The following ZNF284 variants were observed in gnomAD, a reference collection of about 807,000 sequenced individuals.
The protein encoded by ZNF284 is zinc finger protein 284.
A neutral mutation model predicts 12.9 loss-of-function variants in ZNF284; 12 were observed. That is an observed-to-expected ratio of 0.93 (90% confidence interval 0.60 to 1.51). ZNF284 has a LOEUF of 1.51. Ranked by LOEUF, ZNF284 falls within the 40% of genes most tolerant of loss-of-function variation. ZNF284 has a pLI of 0.00. For missense variants in ZNF284, 667 were observed against 707.3 expected (o/e 0.94, Z 0.65); for synonymous variants, 225 against 236.5 (o/e 0.95, Z 0.45).
chr19:44,083,620 T>C (rs1967173590), intron 4 of ZNF284, among the ~76,000 whole-genome samples: 2 of 151,550 alleles, frequency 1.3e-5, no homozygotes, highest in South Asian at 4.2e-4. Flanking sequence ...AGGAGGACTT[T>C]TAGCTGTTCA....
rs1265671298 is a variant in ZNF284 at position 44,086,816 on chromosome 19, G to C, written c.1338G>C (p.Gln446His). 3 of 1,614,164 alleles carry C rather than the reference G, an allele frequency of 1.9e-6. No homozygotes were observed. The highest frequency in any genetic ancestry group is 2.5e-6 in the Non-Finnish European group (3 of 1,180,036). The part of the protein sequence containing the change: ...YISKFNLDLH[Q>H]RVHTGERPYN... ...GTAAGTTTAATCTTGACTTGCACCA[G>C]AGGGTCCACACGGGAGAGAGACCTT... Residue 446 changes from glutamine (Q) to histidine (H), a missense_variant, in exon 5 of 5, where the codon CAG becomes CAC. Transcript: ENST00000421176.
intron 1 of ZNF284, among the ~76,000 whole-genome samples, chr19:44,075,124 CGTT>C (rs1458599297): frequency 1.3e-5 from 2 of 152,060 alleles, no homozygotes; most frequent in Non-Finnish European, 2.9e-5. Flanking sequence ...TATTACATAA[CGTT>C]GTTATCTAAT....
rs745868774 is a variant in ZNF284 at position 44,086,604 on chromosome 19, T to A, written c.1126T>A (p.Cys376Ser). 6.2e-7 allele frequency: 1 copy of A among 1,614,074 alleles called. No homozygotes were observed. The highest frequency in any genetic ancestry group is 8.5e-7 in the Non-Finnish European group (1 of 1,180,032). Reference sequence around the variant, plus strand: ...AGACAAACCATATAATTGTAATGTATGTGGGAAGGGCTTCAGGTGGTCCTC... The same window carrying A: ...AGACAAACCATATAATTGTAATGTAAGTGGGAAGGGCTTCAGGTGGTCCTC... ...TGDKPYNCNV[C>S]GKGFRWSSCL... is the part of the protein sequence containing the mutation. Residue 376 changes from cysteine (C) to serine (S), a missense_variant, in exon 5 of 5, where the codon TGT (cysteine) becomes AGT (serine). Cys to Ser is a moderately radical substitution (Grantham distance 112, BLOSUM62 -1). Transcript: ENST00000421176.
chr19:44,074,655 A>G (rs1184079371), intron 1 of ZNF284, among the ~76,000 whole-genome samples: 2 of 152,060 alleles, frequency 1.3e-5, no homozygotes, highest in Non-Finnish European at 2.9e-5. Flanking sequence ...AGGGTTTCAC[A>G]TAACATGCTA....
chr19:44,076,417 G>C lies in ZNF284; in HGVS notation c.15+13G>C. The C allele has an allele frequency of 6.2e-7, 1 of 1,606,484 alleles. No homozygotes were observed. On this transcript the variant is annotated intron_variant, in intron 2 of 4. Coordinates refer to ENST00000421176, the MANE Select transcript of ZNF284 (RefSeq NM_001037813.4). ...GACCATGTTCAAGGTGAGTAAGTCT[G>C]GTCTCTTTTGCTGTTCAGATTCTGT...
intron 4 of ZNF284, 66 bp downstream of exon 4, chr19:44,082,171 C>A: frequency 7.5e-7 from 1 of 1,333,318 alleles, no homozygotes; most frequent in Non-Finnish European, 1.1e-6. Context: ...CTGTCCATTG[C>A]CCAACTCCAT....
At position 44,088,873 on chromosome 19, in the gene ZNF284, T is replaced by G. The variant is rs550105009; in HGVS notation, c.*1613T>G. 2 of 149,980 alleles carry G rather than the reference T, an allele frequency of 1.3e-5. No homozygotes were observed. Among genetic ancestry groups the G allele is most frequent in the South Asian group, 4.2e-4 (2 of 4,706 alleles). 9.3% of individuals were successfully genotyped at this position (149,980 alleles called of 1,614,324 possible). ...TCTTGCTCTGTCACCCAGACTGGCA[T>G]GCAGTGGAATGATCACGGCTCCCTG... On this transcript the variant is annotated 3_prime_UTR_variant, in exon 5 of 5. Transcript: ENST00000421176.
Position 44,086,903 on chromosome 19 carries a change from A to C in ZNF284, c.1425A>C (p.Arg475Ser). The change falls in exon 5 of 5, where the codon AGA becomes AGC. Residue 475 changes from arginine (R) to serine (S), a missense_variant. Transcript: ENST00000421176. ...CCTCAGGTATTTTGAGACATAAGAGACTCCATACTGGAGAAAAACCATTCA... is the reference window on the plus strand; with the variant it reads ...CCTCAGGTATTTTGAGACATAAGAGCCTCCATACTGGAGAAAAACCATTCA... Reference protein sequence around the residue: ...RWASGILRHKRLHTGEKPFKC... With the variant: ...RWASGILRHKSLHTGEKPFKC... The C allele has an allele frequency of 6.2e-7, 1 of 1,613,896 alleles. No individual in the cohort carries two copies. Among genetic ancestry groups the C allele is most frequent in the Non-Finnish European group, 8.5e-7 (1 of 1,179,944 alleles).
intron 2 of ZNF284, among the ~76,000 whole-genome samples, chr19:44,080,763 A>G (rs1373185320): frequency 6.6e-6 from 1 of 152,240 alleles, no homozygotes; most frequent in Admixed American, 6.5e-5. Context: ...CTAGAGGGTT[A>G]CTTACAAGGA....
Position 44,080,558 on chromosome 19 carries a change from C to T in ZNF284, c.16-457C>T, listed in dbSNP as rs546987412. 1.1e-4 allele frequency among the ~76,000 whole-genome samples: 16 copies of T among 152,102 alleles called. 1 individual carries two copies. Among genetic ancestry groups the T allele is most frequent in the Admixed American group, 8.5e-4 (13 of 15,274 alleles). On this transcript the variant is annotated intron_variant, in intron 2 of 4. Transcript: ENST00000421176. The stretch of plus-strand genomic sequence containing the variant: ...CTGAAATCGCACCACTGCACTCCAG[C>T]CTGGGCGACAGAGTGAGACTCTGTC...
At chr19:44,078,477 C>A (rs898633061) in intron 2 of ZNF284, among the ~76,000 whole-genome samples, 5 of 152,178 alleles carry the variant, frequency 3.3e-5, no homozygotes, top group East Asian at 3.9e-4. Context: ...TATTCTTATT[C>A]TTTAGAGACA....
intron 4 of ZNF284, among the ~76,000 whole-genome samples, chr19:44,083,229 G>A (rs1280755525): frequency 6.6e-6 from 1 of 151,852 alleles, no homozygotes; most frequent in Non-Finnish European, 1.5e-5. Flanking sequence ...GAGGCCAGGA[G>A]TTTGAGACCA....
At chr19:44,081,865 G>C in intron 3 of ZNF284, 148 bp from the exon 4 acceptor site, 2 of 579,436 alleles carry the variant, frequency 3.5e-6, no homozygotes, top group Non-Finnish European at 6.1e-6. Flanking sequence ...ATGACATGTG[G>C]GGATTATGGG....
At chr19:44,078,064 T>C (rs1967061423) in intron 2 of ZNF284, among the ~76,000 whole-genome samples, 2 of 152,130 alleles carry the variant, frequency 1.3e-5, no homozygotes, top group East Asian at 3.8e-4. Flanking sequence ...GGTGAAAATA[T>C]TTACCACTTT....
intron 1 of ZNF284, among the ~76,000 whole-genome samples, chr19:44,076,002 C>A (rs977314831): frequency 6.6e-6 from 1 of 152,066 alleles, no homozygotes; most frequent in Non-Finnish European, 1.5e-5. Context: ...CATATAAATG[C>A]GATCACACAG....
At chr19:44,075,751 T>G (rs1281465316) in intron 1 of ZNF284, among the ~76,000 whole-genome samples, 1 of 152,304 alleles carries the variant, frequency 6.6e-6, no homozygotes. Context: ...TAACAATTAT[T>G]TTTTCCAATT....
intron 3 of ZNF284, among the ~76,000 whole-genome samples, chr19:44,081,570 G>A (rs1021470495): frequency 2.0e-5 from 3 of 152,000 alleles, no homozygotes; most frequent in African/African-American, 7.3e-5. Context: ...AAAATTGCCG[G>A]GCGTGGTGGC....
chr19:44,085,781 G>A lies in ZNF284; in HGVS notation c.303G>A (p.Gln101=), dbSNP rs566010633. The change falls in exon 5 of 5, where the codon CAG becomes CAA. Residue 101 remains glutamine (Q), a synonymous_variant. Transcript: ENST00000421176. ...GACCACATGAAGAGTGGTCTTGCCA[G>A]CAAATCTGGGAACAAACTGCAAGTG... is the stretch of plus-strand genomic sequence containing the variant. The part of the protein sequence containing the change: ...ETGPHEEWSC[Q]QIWEQTASEL... The A allele has an allele frequency of 6.2e-7, 1 of 1,614,202 alleles. No individual in the cohort carries two copies. Among genetic ancestry groups the A allele is most frequent in the East Asian group, 2.2e-5 (1 of 44,884 alleles).
At chr19:44,085,089 CT>C (rs1967208860) in intron 4 of ZNF284, 1 of 152,306 alleles carries the variant, frequency 6.6e-6, no homozygotes, top group Admixed American at 6.5e-5. Context: ...GAAGGGCTAC[CT>C]CCCTTCGCTC....
Sources: gnomAD v4.1 joint callset for allele counts (sites outside exome capture counted in the v4.1 genomes callset) on GRCh38, gnomAD v4.1.1 for gene constraint, MANE v1.5 for transcripts, NCBI Gene and HGNC (gene_info 2026-07-23, HGNC 2026-07-21) for gene names.